The following DNAH2 variants were observed in gnomAD, a reference collection of about 807,000 sequenced individuals.
DNAH2 encodes dynein axonemal heavy chain 2.
A neutral mutation model predicts 523.5 loss-of-function variants in DNAH2; 323 were observed. The observed-to-expected ratio is 0.62, with a 90% CI of 0.56 to 0.68. The LOEUF is 0.68. Among genes scored for constraint, DNAH2 ranks in the 30% least tolerant of loss-of-function variants. DNAH2 has a pLI of 0.00. For missense variants in DNAH2, 4,907 were observed against 5,701.5 expected, an observed-to-expected ratio of 0.86 and a Z score of 4.49; for synonymous variants, 2,093 against 2,177.4, an observed-to-expected ratio of 0.96 and a Z score of 1.08.
At chr17:7,783,252 T>C (rs1206937157) in intron 39 of DNAH2, among the ~76,000 whole-genome samples, 1 of 152,066 alleles carries the variant, frequency 6.6e-6, no homozygotes, top group Admixed American at 6.6e-5. Context: ...TAATTTTGTA[T>C]TTTTGGTAGA....
Position 7,787,903 on chromosome 17 carries a change from C to T in DNAH2, c.6647C>T (p.Pro2216Leu), listed in dbSNP as rs142583624. 1.4e-4 allele frequency: 225 copies of T among 1,614,116 alleles called. 2 individuals carry two copies. The African/African-American group carries it at 1.9e-3, about 13-fold the overall frequency. ...GTGGAGGACCTGGCAATGGCCTCTC[C>T]GGCCACTGTATCCCGCTGCGGGATG... ...FEVEDLAMAS[P>L]ATVSRCGMVY... The change falls in exon 43 of 86, where the codon CCG becomes CTG. Residue 2216 changes from proline to leucine, a missense_variant. By Grantham distance (98) the Pro-to-Leu change is moderately conservative (BLOSUM62 -3). Around this residue, in one of 3 missense-constraint regions of DNAH2, gnomAD observed 2,806 missense variants for 3,190.8 expected, o/e 0.88. Transcript: ENST00000572933.
chr17:7,759,397 C>G, intron 15 of DNAH2, 25 bp from the exon 16 acceptor site: 1 of 1,586,286 alleles, frequency 6.3e-7, no homozygotes. Context: ...GAAAAGTTCT[C>G]TTTTTCCTCC....
chr17:7,737,999 A>G (rs1307654787), intron 8 of DNAH2: 2 of 703,114 alleles, frequency 2.8e-6, no homozygotes, highest in African/African-American at 3.5e-5. Context: ...CTGCCACGCC[A>G]TCTCCCTGGA....
chr17:7,759,322 T>G, intron 15 of DNAH2, 100 bp from the exon 16 acceptor site: 1 of 1,498,720 alleles, frequency 6.7e-7, no homozygotes, highest in Non-Finnish European at 8.9e-7. Context: ...GCGTTTCCAT[T>G]AAACCAACTT....
chr17:7,733,463 C>T (rs550498014), intron 5 of DNAH2, 148 bp downstream of exon 5: 7 of 603,280 alleles, frequency 1.2e-5, no homozygotes, highest in Admixed American at 6.5e-5. Flanking sequence ...GTACAAGATC[C>T]GCCTTCTTCT....
rs1279506252 is a variant in DNAH2, at chr17:7,740,992, C to T, written c.1689C>T (p.Thr563=). 6.3e-6 allele frequency: 10 copies of T among 1,595,242 alleles called. No homozygotes were observed. The highest frequency in any genetic ancestry group is 4.0e-5 in the African/African-American group (3 of 74,592). The change falls in exon 11 of 86, where the codon ACC becomes ACT. Residue 563 remains threonine, a splice_region_variant and synonymous_variant. Transcript: ENST00000572933. ...GGCGTCGCATCGACAGAGTCATGAC[C>T]GTAAGTGCCTGGCCTTCTCCATATT... The part of the protein sequence containing the change: ...ILRRRIDRVM[T]CLAGAHFLPR...
At chr17:7,803,849 C>G (rs964005272) in intron 58 of DNAH2, among the ~76,000 whole-genome samples, 4 of 151,996 alleles carry the variant, frequency 2.6e-5, no homozygotes, top group Non-Finnish European at 5.9e-5. Context: ...TAAATTGTTG[C>G]AATACTGGGC....
chr17:7,793,452 T>C (rs1050343770), intron 48 of DNAH2, among the ~76,000 whole-genome samples: 1 of 99,696 alleles, frequency 1.0e-5, no homozygotes, highest in Admixed American at 1.0e-4. Context: ...TTTCTTTTTC[T>C]TTCTTTCTTT....
intron 12 of DNAH2, among the ~76,000 whole-genome samples, chr17:7,751,438 TC>T (rs1394604051): frequency 2.6e-5 from 4 of 152,142 alleles, no homozygotes; most frequent in Non-Finnish European, 5.9e-5. Flanking sequence ...CATATTTTCT[TC>T]TGGTATTTTA....
At position 7,723,693 on chromosome 17, in the gene DNAH2, G is replaced by T. The variant is rs771622754; in HGVS notation, c.228+4G>T. On this transcript the variant is annotated splice_donor_region_variant and intron_variant, in intron 3 of 85. Transcript: ENST00000572933. ...AGTGGAGCCCGAGGCAGATGTGGTAGGCTTGGGTCTTCCCTGTGGCAGATA... is the reference window on the plus strand; with the variant it reads ...AGTGGAGCCCGAGGCAGATGTGGTATGCTTGGGTCTTCCCTGTGGCAGATA... 2 of 1,613,908 alleles carry T rather than the reference G, an allele frequency of 1.2e-6. No homozygotes were observed. The highest frequency in any genetic ancestry group is 2.2e-5 in the South Asian group (2 of 91,078).
intron 63 of DNAH2, among the ~76,000 whole-genome samples, chr17:7,812,448 T>C (rs77287920): frequency 0.026 from 3,915 of 151,784 alleles, 138 homozygotes; most frequent in South Asian, 0.12. Flanking sequence ...AGAGACTTTG[T>C]GTCCACAAAA....
chr17:7,757,161 G>C lies in DNAH2; in HGVS notation c.1975G>C (p.Val659Leu), dbSNP rs2075865627. 2 of 1,614,204 alleles carry C rather than the reference G, an allele frequency of 1.2e-6. No homozygotes were observed. Among genetic ancestry groups the C allele is most frequent in the East Asian group, 4.5e-5 (2 of 44,886 alleles). The stretch of plus-strand genomic sequence containing the variant: ...GCTGTTTGAGACGCCCCATTACGTG[G>C]TGAACGTAGCTGAGCGAGCCGAGGA... ...RLLFETPHYV[V>L]NVAERAEDLR... The change falls in exon 13 of 86, where the codon GTG (valine) becomes CTG (leucine). Residue 659 changes from valine (V) to leucine (L), a missense_variant. Coordinates refer to ENST00000572933, the MANE Select transcript of DNAH2 (RefSeq NM_020877.5).
Position 7,765,498 on chromosome 17 carries a change from C to A in DNAH2, c.3444C>A (p.Gly1148=). The A allele has an allele frequency of 6.2e-7, 1 of 1,614,228 alleles. No homozygotes were observed. Among genetic ancestry groups the A allele is most frequent in the Non-Finnish European group, 8.5e-7 (1 of 1,180,046 alleles). The part of the protein sequence containing the change: ...LKKHKEKFKT[G]LIHSADDFKK... Reference sequence around the variant, plus strand: ...AACACAAGGAGAAATTCAAGACAGGCCTGATCCACTCGGCAGATGACTTCA... The same window carrying A: ...AACACAAGGAGAAATTCAAGACAGGACTGATCCACTCGGCAGATGACTTCA... The change falls in exon 21 of 86, where the codon GGC becomes GGA. Residue 1148 remains glycine (G), a synonymous_variant. Coordinates refer to ENST00000572933, the MANE Select transcript of DNAH2 (RefSeq NM_020877.5).
chr17:7,744,863 G>T lies in DNAH2; in HGVS notation c.1904+1721G>T, dbSNP rs564306076. Among the ~76,000 whole-genome samples, 8 of 152,278 alleles carry T rather than the reference G, an allele frequency of 5.3e-5. No homozygotes were observed. In the South Asian group the frequency reaches 1.7e-3, roughly 32 times the overall value. On this transcript the variant is annotated intron_variant, in intron 12 of 85. Coordinates refer to ENST00000572933, the MANE Select transcript of DNAH2 (RefSeq NM_020877.5). ...TACCCCCAAAGTTATTGTGTCAGGG[G>T]AGCCGCACAGATGCCCTTGGTGTTT... is the stretch of plus-strand genomic sequence containing the variant.
At position 7,780,427 on chromosome 17, in the gene DNAH2, A is replaced by G; in HGVS notation, c.5850+143A>G. The G allele has an allele frequency of 6.9e-7, 1 of 1,446,132 alleles. No homozygotes were observed. The highest frequency in any genetic ancestry group is 9.5e-7 in the Non-Finnish European group (1 of 1,052,436). 89.6% of individuals were successfully genotyped at this position (1,446,132 alleles called of 1,614,324 possible). A position where few individuals can be genotyped will look rare whatever the true frequency, so the allele number is the denominator to read the frequency against. On this transcript the variant is annotated intron_variant, in intron 37 of 85. Transcript: ENST00000572933. The surrounding 1 kb of genome is among the most constrained non-coding windows in gnomAD (Gnocchi z 4.4). ...TGTCAGTAGGATGTGTGGGGAGAAA[A>G]ATTTAGGGGAGGGAGGTGTCTCCTC...
chr17:7,778,874 T>A (rs560992634), intron 35 of DNAH2, among the ~76,000 whole-genome samples: 10 of 152,324 alleles, frequency 6.6e-5, no homozygotes. Flanking sequence ...CAGCCACGTA[T>A]AATTCTTACA....
intron 42 of DNAH2, 54 bp from the exon 43 acceptor site, chr17:7,787,806 C>G (rs2151263344): frequency 6.5e-7 from 1 of 1,536,854 alleles, no homozygotes; most frequent in East Asian, 2.3e-5. Context: ...TTTATTATTC[C>G]TGAAGGTGGG....
At chr17:7,741,958 C>T (rs1269231858) in intron 11 of DNAH2, among the ~76,000 whole-genome samples, 7 of 151,990 alleles carry the variant, frequency 4.6e-5, no homozygotes, top group Admixed American at 6.6e-5. Context: ...CCACTGCGCC[C>T]GGCCTCATTT....
intron 64 of DNAH2, among the ~76,000 whole-genome samples, chr17:7,816,961 A>G (rs2077688348): frequency 6.6e-6 from 1 of 152,220 alleles, no homozygotes; most frequent in Non-Finnish European, 1.5e-5. Context: ...GTGTTTGGGC[A>G]GGGCTGGGAA....
Sources: allele counts gnomAD v4.1 joint callset (sites outside exome capture counted in the v4.1 genomes callset), GRCh38; gene constraint gnomAD v4.1.1; regional missense constraint gnomAD v4.1.1; non-coding constraint Gnocchi (gnomAD v3.1); transcripts MANE v1.5; gene names NCBI Gene and HGNC (gene_info 2026-07-23, HGNC 2026-07-21).